The following NTRK3 variants were observed in gnomAD, a reference collection of about 807,000 sequenced individuals.
NTRK3 encodes the protein NT-3 growth factor receptor.
Under a neutral mutation model 91.7 loss-of-function variants are expected in NTRK3, and 24 were observed. The ratio of observed to expected loss-of-function variants is 0.26; its 90% CI spans 0.19 to 0.37. The LOEUF (loss-of-function observed/expected upper bound fraction) is 0.37, where lower values mean the gene tolerates loss of function less well. Among genes scored for constraint, NTRK3 ranks in the 10% least tolerant of loss-of-function variants. The pLI, the probability that NTRK3 is intolerant of heterozygous loss-of-function variation, is 1.00. For synonymous variants in NTRK3, 483 were observed against 404.0 expected, an observed-to-expected ratio of 1.20 and a Z score of -2.34; for missense variants, 880 against 1,068.9, an observed-to-expected ratio of 0.82 and a Z score of 2.46.
At chr15:87,901,640 T>TATATGCTAAATGAATTAA (rs1326940693) in intron 17 of NTRK3, among the ~76,000 whole-genome samples, 5 of 152,170 alleles carry the variant, frequency 3.3e-5, no homozygotes, top group South Asian at 2.1e-4. Context: ...TGTGCTAGGA[T>TATATGCTAAATGAATTAA]ATATGCTAAA....
chr15:87,874,199 C>T (rs1269683412), exon 19 of NTRK3: 2 of 37,400 alleles, frequency 5.3e-5, no homozygotes, highest in Non-Finnish European at 9.9e-5. Flanking sequence ...CCTTTACTCT[C>T]CAAAATAAAT....
chr15:88,254,662 A>G (rs925872979), intron 3 of NTRK3, among the ~76,000 whole-genome samples: 3 of 152,328 alleles, frequency 2.0e-5, no homozygotes, highest in African/African-American at 7.2e-5. Flanking sequence ...CTCCCAGAGC[A>G]GCACCAAAGG....
chr15:88,159,693 A>C (rs1359591405), intron 5 of NTRK3, among the ~76,000 whole-genome samples: 2 of 152,156 alleles, frequency 1.3e-5, no homozygotes, highest in Non-Finnish European at 2.9e-5. Flanking sequence ...CAGGGAGCCG[A>C]GGGATGCCTG....
At chr15:88,245,278 C>CAT (rs1294881337) in intron 3 of NTRK3, among the ~76,000 whole-genome samples, 7 of 152,194 alleles carry the variant, frequency 4.6e-5, no homozygotes, top group Admixed American at 2.0e-4. Context: ...TCTGTGGAGC[C>CAT]ATCACATGCC....
chr15:87,945,822 A>C (rs965505977), intron 14 of NTRK3, among the ~76,000 whole-genome samples: 95 of 151,816 alleles, frequency 6.3e-4, no homozygotes, highest in Middle Eastern at 3.4e-3. Context: ...AAAAAAAAAA[A>C]AAAAAAACAG....
intron 5 of NTRK3, among the ~76,000 whole-genome samples, chr15:88,169,366 T>C (rs2045298324): frequency 6.6e-6 from 1 of 152,214 alleles, no homozygotes; most frequent in African/African-American, 2.4e-5. Context: ...CTTAGGATTC[T>C]GTGATCCTTA....
chr15:87,985,100 G>A (rs1254052945), intron 14 of NTRK3, among the ~76,000 whole-genome samples: 2 of 152,170 alleles, frequency 1.3e-5, no homozygotes, highest in South Asian at 4.1e-4. Flanking sequence ...TAAAGAAGTG[G>A]CTGGAAACCT....
intron 3 of NTRK3, among the ~76,000 whole-genome samples, chr15:88,229,516 G>A (rs767874968): frequency 5.3e-5 from 8 of 152,100 alleles, no homozygotes; most frequent in South Asian, 2.1e-4. Context: ...GGATGCCTTC[G>A]TCACTCCCAT....
chr15:87,981,241 A>G, intron 14 of NTRK3: 1 of 1,590,960 alleles, frequency 6.3e-7, no homozygotes, highest in East Asian at 2.3e-5. Flanking sequence ...GACCTTGGGT[A>G]AGACACTTCC....
At chr15:88,027,792 T>C (rs2078168186) in intron 14 of NTRK3, among the ~76,000 whole-genome samples, 1 of 152,144 alleles carries the variant, frequency 6.6e-6, no homozygotes, top group Non-Finnish European at 1.5e-5. Context: ...TAAAGAATTA[T>C]GACACTAGGA....
At chr15:88,104,849 A>G (rs2050534186) in intron 13 of NTRK3, among the ~76,000 whole-genome samples, 1 of 152,220 alleles carries the variant, frequency 6.6e-6, no homozygotes. Flanking sequence ...CTAAGAGGCC[A>G]GAGTCAAGGA....
At chr15:88,077,926 C>T (rs1038121571) in intron 13 of NTRK3, among the ~76,000 whole-genome samples, 1 of 152,202 alleles carries the variant, frequency 6.6e-6, no homozygotes, top group African/African-American at 2.4e-5. Context: ...GCTGCAAAGA[C>T]AGAATCTCAC....
At chr15:88,056,195 TA>T in intron 13 of NTRK3, among the ~76,000 whole-genome samples, 2 of 98,566 alleles carry the variant, frequency 2.0e-5, no homozygotes, top group African/African-American at 7.8e-5. Context: ...TATATATATA[TA>T]TATATATTTT....
chr15:87,965,792 A>G (rs946266566), intron 14 of NTRK3, among the ~76,000 whole-genome samples: 4 of 152,182 alleles, frequency 2.6e-5, no homozygotes, highest in Admixed American at 2.0e-4. Flanking sequence ...TAAGAACTCC[A>G]TTAGGCTGAG....
At chr15:87,976,041 T>C (rs762244471) in intron 14 of NTRK3, among the ~76,000 whole-genome samples, 1 of 152,136 alleles carries the variant, frequency 6.6e-6, no homozygotes, top group Non-Finnish European at 1.5e-5. Flanking sequence ...GCCATCTTTA[T>C]CTATTATCTC....
chr15:88,043,879 C>T (rs79835811), intron 13 of NTRK3, among the ~76,000 whole-genome samples: 1 of 152,102 alleles, frequency 6.6e-6, no homozygotes, highest in African/African-American at 2.4e-5. Flanking sequence ...AGATATGTCA[C>T]CCACAGTTGT....
rs188570536 is a variant in NTRK3 at position 88,007,527 on chromosome 15, C to G, written c.1585+25330G>C. 4.7e-3 allele frequency among the ~76,000 whole-genome samples: 721 copies of G among 152,260 alleles called. 3 individuals carry two copies. The highest frequency in any genetic ancestry group is 7.7e-3 in the Non-Finnish European group (522 of 68,010). On this transcript the variant is annotated intron_variant, in intron 14 of 18. Coordinates refer to ENST00000394480, the Ensembl canonical transcript of NTRK3. ...AAACGATCTGAAATTGGATGGCCAC[C>G]TATAAGGGATGGACAGGAGACTCAC...
At chr15:88,085,691 TA>T (rs1307828279) in intron 13 of NTRK3, among the ~76,000 whole-genome samples, 1 of 152,224 alleles carries the variant, frequency 6.6e-6, no homozygotes, top group Non-Finnish European at 1.5e-5. Context: ...TTACAATTTC[TA>T]ATAACCAGAC....
intron 13 of NTRK3, among the ~76,000 whole-genome samples, chr15:88,102,565 A>T (rs1200836166): frequency 6.6e-6 from 1 of 152,164 alleles, no homozygotes; most frequent in Non-Finnish European, 1.5e-5. Context: ...TATCCCAGTT[A>T]CCCTGATTTG....
Sources: gnomAD v4.1 joint callset for allele counts (sites outside exome capture counted in the v4.1 genomes callset) on GRCh38, gnomAD v4.1.1 for gene constraint, MANE v1.5 for transcripts, NCBI Gene and HGNC (gene_info 2026-07-23, HGNC 2026-07-21) for gene names.